Variants in PAQR5 observed in about 807,000 individuals in gnomAD.
The protein encoded by PAQR5 is progestin and adipoQ receptor family member 5.
A neutral mutation model predicts 34.5 loss-of-function variants in PAQR5; 20 were observed. The observed-to-expected ratio is 0.58, with a 90% CI of 0.41 to 0.84. The LOEUF (loss-of-function observed/expected upper bound fraction) is 0.84, where lower values mean the gene tolerates loss of function less well. Ranked by LOEUF, PAQR5 falls within the 40% of genes least tolerant of loss-of-function variation. The pLI is 0.00. For missense variants in PAQR5, 378 were observed against 412.7 expected, an observed-to-expected ratio of 0.92 and a Z score of 0.73; for synonymous variants, 131 against 155.6, an observed-to-expected ratio of 0.84 and a Z score of 1.18.
intron 3 of PAQR5, among the ~76,000 whole-genome samples, chr15:69,378,997 TCTC>T (rs1267963020): frequency 6.6e-6 from 1 of 152,120 alleles, no homozygotes; most frequent in African/African-American, 2.4e-5. Context: ...GGAAAACAGG[TCTC>T]CTGCAATCCT....
chr15:69,353,635 G>A (rs1056100592), intron 2 of PAQR5, among the ~76,000 whole-genome samples: 16 of 152,162 alleles, frequency 1.1e-4, no homozygotes, highest in South Asian at 2.1e-4. Flanking sequence ...CTGAATCAGC[G>A]TTCAATATGT....
chr15:69,407,571 A>C lies in PAQR5; in HGVS notation c.*3749A>C, dbSNP rs1263704128. 6.6e-6 allele frequency: 1 copy of C among 152,240 alleles called. No homozygotes were observed. Among genetic ancestry groups the C allele is most frequent in the Non-Finnish European group, 1.5e-5 (1 of 68,048 alleles). The allele number at this position is 152,240 out of a possible 1,614,324, so 9.4% of individuals were successfully genotyped here. ...TGTTTCCAAACTCAGATGTTCTCCAACTTACACTAATGTCTGGTTTTCTTG... is the reference window on the plus strand; with the variant it reads ...TGTTTCCAAACTCAGATGTTCTCCACCTTACACTAATGTCTGGTTTTCTTG... On this transcript the variant is annotated 3_prime_UTR_variant, in exon 9 of 9. Transcript: ENST00000395407.
rs570700344 is a variant in PAQR5 at position 69,363,270 on chromosome 15, C to G, written c.51+3139C>G. 5.9e-5 allele frequency among the ~76,000 whole-genome samples: 9 copies of G among 152,310 alleles called. No homozygotes were observed. In the East Asian group the frequency reaches 1.5e-3, roughly 26 times the overall value. ...TTGTTCATGGAAAAGGGCAGTTTCT[C>G]TCTTCCCTCAGAAGGCAGAATTTGT... On this transcript the variant is annotated intron_variant, in intron 3 of 8. Coordinates refer to ENST00000395407, the MANE Select transcript of PAQR5 (RefSeq NM_017705.4).
chr15:69,300,542 T>C, intron 1 of PAQR5, among the ~76,000 whole-genome samples: 1 of 151,990 alleles, frequency 6.6e-6, no homozygotes, highest in Non-Finnish European at 1.5e-5. Context: ...CAAGAGTACA[T>C]CCTTAATCCC....
chr15:69,371,831 A>C (rs2055571329), intron 3 of PAQR5, among the ~76,000 whole-genome samples: 1 of 152,254 alleles, frequency 6.6e-6, no homozygotes. Flanking sequence ...GCTTTTGCTA[A>C]CATTATCTCA....
rs552641656 is a variant in PAQR5, at chr15:69,339,175, C to CA, written c.-116+1674_-116+1675insA. On this transcript the variant is annotated intron_variant, in intron 2 of 8. Coordinates refer to ENST00000395407, the MANE Select transcript of PAQR5 (RefSeq NM_017705.4). ...ACTCCTGGCCCACTGGCTACACCCC[C>CA]CACCCCGCCACCAAGTTATCCTTAA... is the stretch of plus-strand genomic sequence containing the variant. Among the ~76,000 whole-genome samples, 15 of 146,186 alleles carry CA rather than the reference C, an allele frequency of 1.0e-4. 2 individuals are homozygous for CA. The highest frequency in any genetic ancestry group is 6.2e-4 in the East Asian group (3 of 4,870).
chr15:69,355,912 C>A (rs2055065931), intron 2 of PAQR5, among the ~76,000 whole-genome samples: 2 of 151,876 alleles, frequency 1.3e-5, no homozygotes, highest in African/African-American at 4.8e-5. Context: ...CTGCGGCAGC[C>A]CACAGAGAAT....
chr15:69,384,734 C>A lies in PAQR5; in HGVS notation c.237C>A (p.Ser79Arg), dbSNP rs367655138. The change falls in exon 5 of 9, where the codon AGC (serine) becomes AGA (arginine). Residue 79 changes from serine to arginine, a missense_variant. Transcript: ENST00000395407. The stretch of plus-strand genomic sequence containing the variant: ...ATATGACAGACATCAAGAATGACAG[C>A]TACTCCTGGCCCATGCTTGTGTACA... Reference protein sequence around the residue: ...ALYMTDIKNDSYSWPMLVYMC... With the variant: ...ALYMTDIKNDRYSWPMLVYMC... 3.7e-5 allele frequency: 59 copies of A among 1,613,902 alleles called. No homozygotes were observed. The highest frequency in any genetic ancestry group is 4.3e-5 in the Non-Finnish European group (51 of 1,179,928).
intron 1 of PAQR5, among the ~76,000 whole-genome samples, chr15:69,334,907 G>A (rs1287487407): frequency 6.6e-6 from 1 of 152,164 alleles, no homozygotes; most frequent in Non-Finnish European, 1.5e-5. Flanking sequence ...AATTCTGTGG[G>A]TATAAACAAG....
At chr15:69,341,113 C>T (rs948025500) in intron 2 of PAQR5, among the ~76,000 whole-genome samples, 2 of 152,088 alleles carry the variant, frequency 1.3e-5, no homozygotes, top group Non-Finnish European at 2.9e-5. Flanking sequence ...CATCCATCTC[C>T]ACGACTTCTT....
intron 1 of PAQR5, among the ~76,000 whole-genome samples, chr15:69,336,064 CA>C (rs2054509634): frequency 6.6e-6 from 1 of 152,124 alleles, no homozygotes; most frequent in South Asian, 2.1e-4. Context: ...GAGACAGATT[CA>C]GGTGGCTTCA....
chr15:69,386,009 TCA>T (rs2056097670), intron 5 of PAQR5, among the ~76,000 whole-genome samples: 1 of 140,698 alleles, frequency 7.1e-6, no homozygotes, highest in Non-Finnish European at 1.5e-5. Context: ...CACACTACAC[TCA>T]CATAAACACA....
At chr15:69,302,378 T>C (rs901818490) in intron 1 of PAQR5, among the ~76,000 whole-genome samples, 2 of 151,858 alleles carry the variant, frequency 1.3e-5, no homozygotes, top group African/African-American at 2.4e-5. Flanking sequence ...CAGCCAGAAA[T>C]GGGGACTTTC....
intron 1 of PAQR5, among the ~76,000 whole-genome samples, chr15:69,310,657 G>A (rs994505053): frequency 6.6e-6 from 1 of 152,072 alleles, no homozygotes; most frequent in Non-Finnish European, 1.5e-5. Flanking sequence ...TCTTTTGTCT[G>A]GAATATACAT....
chr15:69,387,414 C>A (rs957241170), intron 5 of PAQR5, among the ~76,000 whole-genome samples: 3 of 152,228 alleles, frequency 2.0e-5, no homozygotes, highest in Admixed American at 2.0e-4. Flanking sequence ...AGTTTCATAA[C>A]CCTGCCAAGC....
At chr15:69,377,613 G>A (rs1418076916) in intron 3 of PAQR5, among the ~76,000 whole-genome samples, 1 of 152,192 alleles carries the variant, frequency 6.6e-6, no homozygotes, top group Non-Finnish European at 1.5e-5. Flanking sequence ...TCTAAAACTT[G>A]GAGCTACTGC....
intron 1 of PAQR5, among the ~76,000 whole-genome samples, chr15:69,331,890 G>A (rs1039406781): frequency 2.6e-5 from 4 of 152,122 alleles, no homozygotes; most frequent in Admixed American, 2.6e-4. Flanking sequence ...CTTGCCTATG[G>A]TTCCATAAAA....
At chr15:69,323,881 C>CT (rs928213182) in intron 1 of PAQR5, among the ~76,000 whole-genome samples, 13 of 152,060 alleles carry the variant, frequency 8.5e-5, no homozygotes, top group African/African-American at 3.1e-4. Context: ...CTATAACCTG[C>CT]TTTTTTTCAC....
intron 2 of PAQR5, among the ~76,000 whole-genome samples, chr15:69,340,027 C>T (rs2054604798): frequency 2.0e-5 from 3 of 152,224 alleles, no homozygotes; most frequent in African/African-American, 7.2e-5. Context: ...CCACCACGCC[C>T]GGCTAATTTT....
Sources: gnomAD v4.1 joint callset for allele counts (sites outside exome capture counted in the v4.1 genomes callset) on GRCh38, gnomAD v4.1.1 for gene constraint, MANE v1.5 for transcripts, NCBI Gene and HGNC (gene_info 2026-07-23, HGNC 2026-07-21) for gene names.